The following DNMT3A variants were observed in gnomAD, a reference collection of about 807,000 sequenced individuals.
The protein encoded by DNMT3A is DNA methyltransferase 3 alpha.
In DNMT3A, 267 loss-of-function variants were observed where a neutral mutation model predicts 117.6. The ratio of observed to expected loss-of-function variants is 2.27; its 90% CI spans 2.05 to 2.51. DNMT3A has a LOEUF of 2.51. DNMT3A is among the 30% of genes most tolerant of loss of function. The pLI, the probability that DNMT3A is intolerant of heterozygous loss-of-function variation, is 0.00. For missense variants in DNMT3A, 1,029 were observed against 1,260.2 expected, an observed-to-expected ratio of 0.82 and a Z score of 2.78; for synonymous variants, 432 against 474.8, an observed-to-expected ratio of 0.91 and a Z score of 1.17.
chr2:25,310,195 A>C (rs2034031178), intron 2 of DNMT3A, among the ~76,000 whole-genome samples: 1 of 151,586 alleles, frequency 6.6e-6, no homozygotes, highest in South Asian at 2.1e-4. Flanking sequence ...GGGGCTGTGG[A>C]CTCCCCTCTG....
chr2:25,233,423 A>G lies in DNMT3A; in HGVS notation c.*856T>C, dbSNP rs1293916286. 4.3e-6 allele frequency: 1 copy of G among 233,596 alleles called. No homozygotes were observed. Among genetic ancestry groups the G allele is most frequent in the African/African-American group, 2.2e-5 (1 of 45,310 alleles). 14.5% of individuals were successfully genotyped at this position (233,596 alleles called of 1,614,324 possible). On this transcript the variant is annotated 3_prime_UTR_variant, in exon 23 of 23. Transcript: ENST00000321117. ...CTCGCTGTTTGAAAGCACCATTATG[A>G]AGTCGGGTTGTACAGTAGTTAACAG...
chr2:25,293,909 G>C lies in DNMT3A; in HGVS notation c.177+6230C>G, dbSNP rs571050004. ...TGGTCTCGAATTCCTGGCCTCAAGT[G>C]ATCCACCTGCCTCAGCCTCTCAAAG... On this transcript the variant is annotated intron_variant, in intron 3 of 22. Coordinates refer to ENST00000321117, the MANE Select transcript of DNMT3A (RefSeq NM_022552.5). This position sits in a 1 kb window ranked among gnomAD's most constrained non-coding sequence, Gnocchi z 4.7. Among the ~76,000 whole-genome samples the C allele has an allele frequency of 2.2e-4, 33 of 152,306 alleles. 1 individual carries two copies. The highest frequency in any genetic ancestry group is 7.7e-4 in the African/African-American group (32 of 41,566).
At chr2:25,253,809 C>G (rs1465441553) in intron 6 of DNMT3A, among the ~76,000 whole-genome samples, 1 of 152,208 alleles carries the variant, frequency 6.6e-6, no homozygotes, top group Non-Finnish European at 1.5e-5. Context: ...CGCGGTGGCT[C>G]ACGCCTATAA....
At position 25,252,278 on chromosome 2, in the gene DNMT3A, G is replaced by C. The variant is rs540802281; in HGVS notation, c.640-4026C>G. On this transcript the variant is annotated intron_variant, in intron 6 of 22. Transcript: ENST00000321117. This position sits in a 1 kb window ranked among gnomAD's most constrained non-coding sequence, Gnocchi z 5.5. ...GCTCTGGAAGTAGCTGCCCGTCTTG[G>C]GGGAGGGGAAGGGGGCGATGGGGCT... The C allele has an allele frequency of 3.4e-6, 5 of 1,468,586 alleles. No individual in the cohort carries two copies. The highest frequency in any genetic ancestry group is 2.9e-5 in the East Asian group (1 of 34,954). The allele number at this position is 1,468,586 out of a possible 1,614,324, so 91.0% of individuals were successfully genotyped here. A position where few individuals can be genotyped will look rare whatever the true frequency, so the allele number is the denominator to read the frequency against.
At chr2:25,309,607 G>T (rs894176248) in intron 2 of DNMT3A, among the ~76,000 whole-genome samples, 1 of 152,184 alleles carries the variant, frequency 6.6e-6, no homozygotes, top group Admixed American at 6.5e-5. Flanking sequence ...CCTAAGGAGC[G>T]CAGAAGCCAG....
intron 3 of DNMT3A, among the ~76,000 whole-genome samples, chr2:25,283,979 GTGCTC>G (rs2032088061): frequency 6.6e-6 from 1 of 152,226 alleles, no homozygotes; most frequent in African/African-American, 2.4e-5. Flanking sequence ...TGCCTGCTGT[GTGCTC>G]TGCTGTGTAT....
intron 1 of DNMT3A, among the ~76,000 whole-genome samples, chr2:25,335,132 A>G (rs916020674): frequency 6.6e-6 from 1 of 152,218 alleles, no homozygotes; most frequent in African/African-American, 2.4e-5. Context: ...AGATTACACT[A>G]TGAACTTTTT....
intron 1 of DNMT3A, among the ~76,000 whole-genome samples, chr2:25,341,421 G>A (rs909442910): frequency 7.5e-5 from 11 of 145,808 alleles, no homozygotes; most frequent in Admixed American, 1.4e-4. Flanking sequence ...CCGGAAGGCG[G>A]GGGCGGCCCG....
intron 6 of DNMT3A, among the ~76,000 whole-genome samples, chr2:25,264,174 C>G (rs1448228387): frequency 8.7e-6 from 1 of 115,404 alleles, no homozygotes; most frequent in African/African-American, 3.3e-5. Flanking sequence ...AGGTCTCGCT[C>G]TGTCGCCCAG....
intron 6 of DNMT3A, among the ~76,000 whole-genome samples, chr2:25,272,579 G>A (rs1308602374): frequency 1.3e-5 from 2 of 152,146 alleles, no homozygotes; most frequent in African/African-American, 2.4e-5. Context: ...GGGTTGCGGG[G>A]AACCCAGGAG....
At chr2:25,279,133 C>T (rs1350345041) in intron 4 of DNMT3A, among the ~76,000 whole-genome samples, 4 of 152,140 alleles carry the variant, frequency 2.6e-5, no homozygotes, top group African/African-American at 7.2e-5. Flanking sequence ...TTAATGCTGG[C>T]GGGGGCAGGA....
chr2:25,275,575 C>A (rs768827002), intron 4 of DNMT3A, 32 bp from the exon 5 acceptor site: 2 of 1,550,658 alleles, frequency 1.3e-6, no homozygotes, highest in Admixed American at 2.2e-5. Context: ...GGGACCAGTT[C>A]GTTGGTCGGC....
At chr2:25,332,204 G>A (rs1368086997) in intron 1 of DNMT3A, among the ~76,000 whole-genome samples, 1 of 151,970 alleles carries the variant, frequency 6.6e-6, no homozygotes, top group African/African-American at 2.4e-5. Context: ...ATAACATCCC[G>A]CCTTCCATGT....
intron 12 of DNMT3A, 143 bp downstream of exon 12, chr2:25,245,877 G>A (rs1674686141): frequency 1.8e-6 from 2 of 1,084,634 alleles, no homozygotes; most frequent in South Asian, 1.4e-5. Context: ...CAGAAAGACA[G>A]ACAGTGCACG....
intron 16 of DNMT3A, among the ~76,000 whole-genome samples, chr2:25,243,586 T>C (rs2149285479): frequency 1.3e-5 from 2 of 152,380 alleles, no homozygotes; most frequent in Admixed American, 1.3e-4. Context: ...TTGCTGAATC[T>C]GTCCTTTGAG....
At chr2:25,261,442 A>G (rs1196806535) in intron 6 of DNMT3A, among the ~76,000 whole-genome samples, 1 of 146,304 alleles carries the variant, frequency 6.8e-6, no homozygotes, top group East Asian at 2.0e-4. Flanking sequence ...CTGTCTCAAA[A>G]AAAAAAAAAA....
rs557432062 is a variant in DNMT3A at position 25,296,102 on chromosome 2, C to T, written c.177+4037G>A. 3.9e-5 allele frequency among the ~76,000 whole-genome samples: 6 copies of T among 152,304 alleles called. No homozygotes were observed. Among genetic ancestry groups the T allele is most frequent in the Admixed American group, 1.3e-4 (2 of 15,302 alleles). On this transcript the variant is annotated intron_variant, in intron 3 of 22. Transcript: ENST00000321117. The surrounding 1 kb of genome is among the most constrained non-coding windows in gnomAD (Gnocchi z 4.2). ...TGAATAGTTATACTCAGTTCTGTAC[C>T]GACAGGTGACAACAAATGCTTCTCA... is the stretch of plus-strand genomic sequence containing the variant.
In DNMT3A at chr2:25,339,567, TCG is replaced by T. The variant is rs2035335232; in HGVS notation, c.-178+2257_-178+2258del. ...CTGCTGCACAGGCCAGCCTGGTCCC[TCG>T]CCTGGAGCCAGCACATGTGCACACA... On this transcript the variant is annotated intron_variant, in intron 1 of 22. Transcript: ENST00000321117. This position sits in a 1 kb window ranked among gnomAD's most constrained non-coding sequence, Gnocchi z 4.9. Among the ~76,000 whole-genome samples, 1 of 152,076 alleles carries T rather than the reference TCG, an allele frequency of 6.6e-6. No homozygotes were observed. The highest frequency in any genetic ancestry group is 2.1e-4 in the South Asian group (1 of 4,822).
At chr2:25,264,329 G>A (rs145083535) in intron 6 of DNMT3A, among the ~76,000 whole-genome samples, 2 of 151,502 alleles carry the variant, frequency 1.3e-5, no homozygotes, top group Non-Finnish European at 2.9e-5. Flanking sequence ...CAGTAGAGAC[G>A]GCGTTTCACC....
Sources: gnomAD v4.1 joint callset for allele counts (sites outside exome capture counted in the v4.1 genomes callset) on GRCh38, gnomAD v4.1.1 for gene constraint, Gnocchi (gnomAD v3.1) non-coding constraint, MANE v1.5 for transcripts, NCBI Gene and HGNC (gene_info 2026-07-23, HGNC 2026-07-21) for gene names.